Variants in MACROD2 observed in about 807,000 individuals in gnomAD.
The protein encoded by MACROD2 is ADP-ribose glycohydrolase MACROD2.
MACROD2 carries 36 observed loss-of-function variants against 70.4 expected under a neutral mutation model. That is an observed-to-expected ratio of 0.51 (90% CI 0.39 to 0.68). The LOEUF is 0.68. Ranked by LOEUF, MACROD2 falls within the 30% of genes least tolerant of loss-of-function variation. The pLI is 0.00. For synonymous variants in MACROD2, 172 were observed against 178.8 expected (o/e 0.96, Z 0.30); for missense variants, 496 against 538.4 (o/e 0.92, Z 0.78).
intron 6 of MACROD2, among the ~76,000 whole-genome samples, chr20:15,328,123 G>A (rs1044957672): frequency 6.6e-6 from 1 of 152,002 alleles, no homozygotes; most frequent in Non-Finnish European, 1.5e-5. Flanking sequence ...TATTTAATGG[G>A]GTGGTTGGTT....
chr20:15,456,998 C>A (rs1438852788), intron 7 of MACROD2, among the ~76,000 whole-genome samples: 1 of 151,042 alleles, frequency 6.6e-6, no homozygotes, highest in Non-Finnish European at 1.5e-5. Flanking sequence ...GACAGGCTAG[C>A]ACCTGCAAAG....
intron 8 of MACROD2, among the ~76,000 whole-genome samples, chr20:15,600,128 A>T (rs569838923): frequency 2.0e-5 from 3 of 152,128 alleles, no homozygotes; most frequent in Admixed American, 6.5e-5. Flanking sequence ...GGGAGCTGGC[A>T]ATTCTCCACA....
chr20:14,333,186 T>C (rs1244231926), intron 3 of MACROD2, among the ~76,000 whole-genome samples: 1 of 152,154 alleles, frequency 6.6e-6, no homozygotes, highest in Non-Finnish European at 1.5e-5. Context: ...TTATCCAGAC[T>C]ATTTTCTAGC....
At chr20:14,937,252 G>A (rs903310517) in intron 5 of MACROD2, among the ~76,000 whole-genome samples, 1 of 152,018 alleles carries the variant, frequency 6.6e-6, no homozygotes, top group Non-Finnish European at 1.5e-5. Context: ...GAGGCAGTTG[G>A]TGAAGGCAGT....
At chr20:15,873,573 C>G (rs1460519168) in intron 9 of MACROD2, among the ~76,000 whole-genome samples, 1 of 151,778 alleles carries the variant, frequency 6.6e-6, no homozygotes, top group Non-Finnish European at 1.5e-5. Flanking sequence ...ATTAATCTTT[C>G]AAATATATGT....
chr20:15,291,717 A>C (rs1380492570), intron 6 of MACROD2, among the ~76,000 whole-genome samples: 1 of 152,152 alleles, frequency 6.6e-6, no homozygotes, highest in Non-Finnish European at 1.5e-5. Context: ...TGACTAAAAA[A>C]GGGAAAAAAT....
intron 8 of MACROD2, among the ~76,000 whole-genome samples, chr20:15,813,783 A>C (rs893642077): frequency 2.2e-4 from 33 of 152,148 alleles, no homozygotes; most frequent in African/African-American, 7.7e-4. Context: ...CCCCGTCTCA[A>C]AACAACAACA....
intron 8 of MACROD2, among the ~76,000 whole-genome samples, chr20:15,525,094 T>C (rs2047704413): frequency 6.6e-6 from 1 of 152,218 alleles, no homozygotes; most frequent in African/African-American, 2.4e-5. Flanking sequence ...TCCAAAAATA[T>C]CTCAGCATTC....
intron 8 of MACROD2, among the ~76,000 whole-genome samples, chr20:15,851,490 G>C (rs1440007429): frequency 6.6e-6 from 1 of 151,996 alleles, no homozygotes; most frequent in Non-Finnish European, 1.5e-5. Context: ...TCTTCCCTCT[G>C]TGCATGTCCG....
At chr20:15,758,333 G>A (rs2051380215) in intron 8 of MACROD2, among the ~76,000 whole-genome samples, 1 of 150,422 alleles carries the variant, frequency 6.6e-6, no homozygotes, top group South Asian at 2.1e-4. Flanking sequence ...CCGCCTTCTG[G>A]GTTCCAGCCA....
At chr20:14,942,774 G>C (rs1264118046) in intron 5 of MACROD2, among the ~76,000 whole-genome samples, 1 of 127,418 alleles carries the variant, frequency 7.8e-6, no homozygotes, top group Non-Finnish European at 1.7e-5. Flanking sequence ...GAGCCTAAAA[G>C]CCTAAATTTT....
Position 15,412,469 on chromosome 20 carries a change from G to C in MACROD2, c.541-18936G>C, listed in dbSNP as rs191576366. The stretch of plus-strand genomic sequence containing the variant: ...AAAGCATAGAGGTTAACTAAACAAA[G>C]CATCAGCACATTGCAGGCTAAAGAA... On this transcript the variant is annotated intron_variant, in intron 6 of 17. Coordinates refer to ENST00000684519, the MANE Select transcript of MACROD2 (RefSeq NM_001351661.2). Among the ~76,000 whole-genome samples the C allele has an allele frequency of 1.6e-4, 24 of 152,194 alleles. No individual in the cohort carries two copies. The East Asian group carries it at 4.6e-3, about 29-fold the overall frequency.
intron 7 of MACROD2, among the ~76,000 whole-genome samples, chr20:15,460,324 A>G (rs1449950058): frequency 6.6e-6 from 1 of 152,148 alleles, no homozygotes; most frequent in East Asian, 1.9e-4. Flanking sequence ...TCACCCTGGC[A>G]GTGGCAGTTG....
At chr20:15,458,774 T>C (rs966773626) in intron 7 of MACROD2, among the ~76,000 whole-genome samples, 2 of 152,104 alleles carry the variant, frequency 1.3e-5, no homozygotes, top group African/African-American at 4.8e-5. Context: ...TCGTATACAA[T>C]GGCTCTTCTG....
At chr20:14,587,640 A>G (rs1981473012) in intron 4 of MACROD2, among the ~76,000 whole-genome samples, 1 of 151,914 alleles carries the variant, frequency 6.6e-6, no homozygotes, top group Admixed American at 6.6e-5. Context: ...TTATTAATAC[A>G]TTTATATAAC....
chr20:14,903,143 G>A (rs1405061697), intron 5 of MACROD2, among the ~76,000 whole-genome samples: 3 of 146,878 alleles, frequency 2.0e-5, no homozygotes, highest in African/African-American at 5.1e-5. Context: ...CCGGATTCAA[G>A]CGATTCGCCT....
intron 4 of MACROD2, among the ~76,000 whole-genome samples, chr20:14,645,993 A>G (rs974376212): frequency 1.4e-5 from 2 of 144,526 alleles, no homozygotes; most frequent in Non-Finnish European, 3.1e-5. Flanking sequence ...TATATTTTCT[A>G]CTAAGTAAAT....
intron 7 of MACROD2, among the ~76,000 whole-genome samples, chr20:15,451,721 C>T (rs927819598): frequency 2.0e-5 from 3 of 152,062 alleles, no homozygotes; most frequent in Admixed American, 6.6e-5. Context: ...ATCTGACAGC[C>T]GAATCTTTCA....
intron 5 of MACROD2, among the ~76,000 whole-genome samples, chr20:14,949,000 C>T (rs188577726): frequency 6.6e-6 from 1 of 152,306 alleles, no homozygotes; most frequent in African/African-American, 2.4e-5. Context: ...GAAGTGTTCT[C>T]TCCTCCATTC....
Sources: gnomAD v4.1 joint callset for allele counts (sites outside exome capture counted in the v4.1 genomes callset) on GRCh38, gnomAD v4.1.1 for gene constraint, MANE v1.5 for transcripts, NCBI Gene and HGNC (gene_info 2026-07-23, HGNC 2026-07-21) for gene names.